Variants in TONSL observed in about 807,000 individuals in gnomAD.
TONSL encodes the protein tonsoku-like protein.
In TONSL, 112 loss-of-function variants were observed where a neutral mutation model predicts 147.1. That is an observed-to-expected ratio of 0.76 (90% CI 0.65 to 0.89). The LOEUF is 0.89. TONSL is among the 40% of genes least tolerant of loss of function. TONSL has a pLI of 0.00. For synonymous variants in TONSL, 868 were observed against 801.5 expected (o/e 1.08, Z -1.40); for missense variants, 1,883 against 1,864.6 (o/e 1.01, Z -0.18).
At chr8:144,438,601 G>T (rs762922280) in intron 12 of TONSL, 41 bp from the exon 13 acceptor site, 1 of 1,612,176 alleles carries the variant, frequency 6.2e-7, no homozygotes, top group Non-Finnish European at 8.5e-7. Context: ...GGGGCGTGAG[G>T]AGCTGGCAGG....
At chr8:144,434,750 C>T in intron 20 of TONSL, 61 bp downstream of exon 20, 6 of 1,557,686 alleles carry the variant, frequency 3.9e-6, no homozygotes, top group Non-Finnish European at 5.2e-6. Context: ...GCTGGTGGAG[C>T]CTGTGTGCCC....
rs542991065 is a variant in TONSL at position 144,428,917 on chromosome 8, G to A, written c.*226C>T. The A allele has an allele frequency of 4.9e-4, 216 of 440,262 alleles. 1 individual carries two copies. Among genetic ancestry groups the A allele is most frequent in the African/African-American group, 2.7e-3 (131 of 48,524 alleles). 27.3% of individuals were successfully genotyped at this position (440,262 alleles called of 1,614,324 possible). ...CCATTCTCCTGCCTCAGCCTCCGGAGTAGCTGGGACTACAGGCTTCCACCA... is the reference window on the plus strand; with the variant it reads ...CCATTCTCCTGCCTCAGCCTCCGGAATAGCTGGGACTACAGGCTTCCACCA... On this transcript the variant is annotated 3_prime_UTR_variant, in exon 26 of 26. Transcript: ENST00000409379.
rs780221473 is a variant in TONSL at position 144,435,745 on chromosome 8, G to A, written c.2688C>T (p.Ser896=). 1.9e-6 allele frequency: 3 copies of A among 1,612,850 alleles called. No individual in the cohort carries two copies. The highest frequency in any genetic ancestry group is 2.5e-6 in the Non-Finnish European group (3 of 1,179,904). The change falls in exon 17 of 26, where the codon AGC becomes AGT. Residue 896 remains serine, a synonymous_variant. Coordinates refer to ENST00000409379, the MANE Select transcript of TONSL (RefSeq NM_013432.5). ...SCSAPVNAGP[S]SLASEPPGSP... Reference sequence around the variant, plus strand: ...TCCCTGGAGGTTCTGAAGCCAGGCTGCTGGGCCCTGCGTTAACTGGCGCAC... The same window carrying A: ...TCCCTGGAGGTTCTGAAGCCAGGCTACTGGGCCCTGCGTTAACTGGCGCAC...
intron 5 of TONSL, 63 bp downstream of exon 5, chr8:144,442,614 C>T: frequency 6.3e-7 from 1 of 1,576,878 alleles, no homozygotes; most frequent in South Asian, 1.1e-5. Flanking sequence ...AAAAATACTC[C>T]CCTAACTACT....
At position 144,436,539 on chromosome 8, in the gene TONSL, C is replaced by T; in HGVS notation, c.2014+19G>A. 2.5e-6 allele frequency: 4 copies of T among 1,606,282 alleles called. No individual in the cohort carries two copies. The highest frequency in any genetic ancestry group is 3.3e-4 in the Middle Eastern group (2 of 6,042). ...AGCGTAGGCACAGCAACCCCAGGGA[C>T]AAGGGACGCCCTGCTTGCCTTGGCC... On this transcript the variant is annotated intron_variant, in intron 16 of 25. Coordinates refer to ENST00000409379, the MANE Select transcript of TONSL (RefSeq NM_013432.5).
chr8:144,434,411 G>A (rs1245612034), intron 20 of TONSL, 132 bp from the exon 21 acceptor site: 3 of 789,164 alleles, frequency 3.8e-6, no homozygotes, highest in Non-Finnish European at 5.7e-6. Context: ...GAGCCCACTC[G>A]CACATGCCTG....
At chr8:144,440,658 G>A (rs562372647) in intron 9 of TONSL, 60 bp downstream of exon 9, 15 of 1,570,388 alleles carry the variant, frequency 9.6e-6, no homozygotes, top group South Asian at 8.2e-5. Flanking sequence ...CCCTGAGAAC[G>A]GCAGTCCTGA....
rs2129706949 is a variant in TONSL at position 144,444,392 on chromosome 8, C to G, written c.23G>C (p.Arg8Pro). Residue 8 changes from arginine (R) to proline (P), a missense_variant and splice_region_variant, in exon 1 of 26, where the codon CGC (arginine) becomes CCC (proline). Transcript: ENST00000409379. MSLEREL[R>P]QLSKAKAKAQ... The stretch of plus-strand genomic sequence containing the variant: ...GAAGGGGTCCCCGAGGAACTTACGG[C>G]GAAGCTCGCGCTCCAGGCTCATGCT... The G allele has an allele frequency of 7.9e-7, 1 of 1,271,558 alleles. No individual in the cohort carries two copies. Among genetic ancestry groups the G allele is most frequent in the East Asian group, 3.2e-5 (1 of 31,666 alleles). 78.8% of individuals were successfully genotyped at this position (1,271,558 alleles called of 1,614,324 possible).
Position 144,442,237 on chromosome 8 carries a change from G to A in TONSL, c.750+4C>T. 6.3e-7 allele frequency: 1 copy of A among 1,589,604 alleles called. No individual in the cohort carries two copies. Among genetic ancestry groups the A allele is most frequent in the Non-Finnish European group, 8.6e-7 (1 of 1,164,748 alleles). On this transcript the variant is annotated splice_donor_region_variant and intron_variant, in intron 6 of 25. Coordinates refer to ENST00000409379, the MANE Select transcript of TONSL (RefSeq NM_013432.5). ...CTGAGCTCGGAGCCACGCACAGCGG[G>A]TACCTGTGCAATAACCACGCAGCAC...
chr8:144,435,137 C>G lies in TONSL; in HGVS notation c.2886G>C (p.Glu962Asp). 6.4e-7 allele frequency: 1 copy of G among 1,571,914 alleles called. No individual in the cohort carries two copies. Among genetic ancestry groups the G allele is most frequent in the Non-Finnish European group, 8.6e-7 (1 of 1,159,502 alleles). Residue 962 changes from glutamate (E) to aspartate (D), a missense_variant, in exon 19 of 26, where the codon GAG becomes GAC. Glu to Asp is a conservative substitution (Grantham distance 45). Transcript: ENST00000409379. ...TCTGGTAGTAGCGCTGGGCCGCCTG[C>G]TCGGCCAGCCAGGCCACAGAGTGGG... The part of the protein sequence containing the change: ...SDTHSVAWLA[E>D]QAAQRYYQTC...
At position 144,440,009 on chromosome 8, in the gene TONSL, G is replaced by C; in HGVS notation, c.1480+12C>G. The C allele has an allele frequency of 9.7e-7, 1 of 1,030,312 alleles. No individual in the cohort carries two copies. Among genetic ancestry groups the C allele is most frequent in the African/African-American group, 1.6e-5 (1 of 63,626 alleles). The allele number at this position is 1,030,312 out of a possible 1,614,324, so 63.8% of individuals were successfully genotyped here. The stretch of plus-strand genomic sequence containing the variant: ...CAGGCCCAGGGAAATGCAAGGTGCC[G>C]CTGGCCCTCACCGCCCTCTGAGAGC... On this transcript the variant is annotated intron_variant, in intron 11 of 25. Transcript: ENST00000409379.
In TONSL at chr8:144,440,981, C is replaced by G. The variant is rs1328836561; in HGVS notation, c.996G>C (p.Glu332Asp). 6.2e-7 allele frequency: 1 copy of G among 1,613,192 alleles called. No homozygotes were observed. Among genetic ancestry groups the G allele is most frequent in the African/African-American group, 1.3e-5 (1 of 75,062 alleles). Reference protein sequence around the residue: ...SKAGDFPRAAEAYQKQLRFAE... With the variant: ...SKAGDFPRAADAYQKQLRFAE... ...GGCCACACACCTGCTTCTGGTAAGC[C>G]TCAGCTGCCCTGGGAAAGTCTCCTG... Residue 332 changes from glutamate to aspartate, a missense_variant, in exon 8 of 26, where the codon GAG becomes GAC. By Grantham distance (45) the Glu-to-Asp change is conservative. Transcript: ENST00000409379.
intron 20 of TONSL, 74 bp downstream of exon 20, chr8:144,434,737 C>T (rs769913582): frequency 1.2e-5 from 18 of 1,516,316 alleles, no homozygotes; most frequent in Middle Eastern, 1.7e-4. Context: ...AGGAATGAAC[C>T]GGGCTGGTGG....
At chr8:144,441,149 G>A in intron 7 of TONSL, 38 bp from the exon 8 acceptor site, 1 of 1,606,280 alleles carries the variant, frequency 6.2e-7, no homozygotes, top group South Asian at 1.1e-5. Flanking sequence ...GCAGCACAGG[G>A]GGCCCTGACC....
Position 144,432,182 on chromosome 8 carries a change from G to T in TONSL, c.3735+103C>A. ...CTAACTCTCTCTGTAGAGCCCCTCAGCGAGTTCAGCCCGAATCTGGGGAGA... is the reference window on the plus strand; with the variant it reads ...CTAACTCTCTCTGTAGAGCCCCTCATCGAGTTCAGCCCGAATCTGGGGAGA... On this transcript the variant is annotated intron_variant, in intron 23 of 25. Transcript: ENST00000409379. 8 of 1,289,232 alleles carry T rather than the reference G, an allele frequency of 6.2e-6. No individual in the cohort carries two copies. In the South Asian group the frequency reaches 1.1e-4, roughly 18 times the overall value. 79.9% of individuals were successfully genotyped at this position (1,289,232 alleles called of 1,614,324 possible). A position where few individuals can be genotyped will look rare whatever the true frequency, so the allele number is the denominator to read the frequency against.
At chr8:144,439,530 C>A (rs1157456731) in intron 11 of TONSL, among the ~76,000 whole-genome samples, 13 of 152,196 alleles carry the variant, frequency 8.5e-5, no homozygotes. Context: ...AGCCTCCCAG[C>A]TACCCGCTAA....
rs748273989 is a variant in TONSL at position 144,435,893 on chromosome 8, C to T, written c.2540G>A (p.Arg847Gln). The T allele has an allele frequency of 6.8e-5, 109 of 1,595,938 alleles. No individual in the cohort carries two copies. The highest frequency in any genetic ancestry group is 3.8e-4 in the East Asian group (17 of 44,456). ...GTCTCCAGTGCCCCGGGGGCGGGGCCGGCGGCTGCGGGTCAGGGGCATGTC... is the reference window on the plus strand; with the variant it reads ...GTCTCCAGTGCCCCGGGGGCGGGGCTGGCGGCTGCGGGTCAGGGGCATGTC... Reference protein sequence around the residue: ...ELDMPLTRSRRPRPRGTGDNR... With the variant: ...ELDMPLTRSRQPRPRGTGDNR... The change falls in exon 17 of 26, where the codon CGG becomes CAG. Residue 847 changes from arginine to glutamine, a missense_variant. Coordinates refer to ENST00000409379, the MANE Select transcript of TONSL (RefSeq NM_013432.5).
At chr8:144,433,297 C>T (rs559669331) in intron 22 of TONSL, 21 of 301,118 alleles carry the variant, frequency 7.0e-5, no homozygotes, top group Non-Finnish European at 1.0e-4. Context: ...AGGATGGTCT[C>T]GATATCCTGA....
At chr8:144,442,619 A>G (rs1391153578) in intron 5 of TONSL, 58 bp downstream of exon 5, 1 of 1,581,820 alleles carries the variant, frequency 6.3e-7, no homozygotes, top group Non-Finnish European at 8.6e-7. Flanking sequence ...TACTCCCCTA[A>G]CTACTTCCTC....
Sources: allele counts gnomAD v4.1 joint callset (sites outside exome capture counted in the v4.1 genomes callset), GRCh38; gene constraint gnomAD v4.1.1; transcripts MANE v1.5; gene names NCBI Gene and HGNC (gene_info 2026-07-23, HGNC 2026-07-21).